ETV4: variants seen among roughly 807,000 people sequenced by gnomAD.
ETV4 encodes ETS variant transcription factor 4, also known as ETS translocation variant 4.
Under a neutral mutation model 65.9 loss-of-function variants are expected in ETV4, and 42 were observed. The ratio of observed to expected loss-of-function variants is 0.64; its 90% CI spans 0.50 to 0.82. The LOEUF (loss-of-function observed/expected upper bound fraction) is 0.82, where lower values mean the gene tolerates loss of function less well. Ranked by LOEUF, ETV4 falls within the 40% of genes least tolerant of loss-of-function variation. The pLI is 0.00. For missense variants in ETV4, 583 were observed against 630.3 expected (o/e 0.92, Z 0.80); for synonymous variants, 238 against 260.0 (o/e 0.92, Z 0.81).
In ETV4 at chr17:43,541,926, C is replaced by G. The variant is rs73304601; in HGVS notation, c.202+3049G>C. Among the ~76,000 whole-genome samples, 1,361 of 152,296 alleles carry G rather than the reference C, an allele frequency of 8.9e-3. 16 individuals carry two copies. The highest frequency in any genetic ancestry group is 0.031 in the African/African-American group (1,302 of 41,548). On this transcript the variant is annotated intron_variant, in intron 4 of 12. Coordinates refer to ENST00000319349, the MANE Select transcript of ETV4 (RefSeq NM_001079675.5). ...AACCTCATCCCTCCCCACAGACATG[C>G]CGAGGCACCAGTGTACATGCACTCG... is the stretch of plus-strand genomic sequence containing the variant.
chr17:43,540,113 C>A (rs1308807208), intron 4 of ETV4, among the ~76,000 whole-genome samples: 1 of 152,128 alleles, frequency 6.6e-6, no homozygotes, highest in African/African-American at 2.4e-5. Flanking sequence ...AAAAAGACAA[C>A]CATTCCCAAA....
In ETV4 at chr17:43,532,795, A is replaced by G. The variant is rs1971016962; in HGVS notation, c.690T>C (p.His230=). The G allele has an allele frequency of 1.2e-6, 2 of 1,613,900 alleles. No homozygotes were observed. Among genetic ancestry groups the G allele is most frequent in the Non-Finnish European group, 8.5e-7 (1 of 1,179,944 alleles). ...GGCCCGCCTGTTCATACAGGGGATC[A>G]TGGTATTCTTGCTTAAAGCTCTGCT... ...YPQQSFKQEY[H]DPLYEQAGQP... is the part of the protein sequence containing the mutation. The change falls in exon 8 of 13, where the codon CAT becomes CAC. Residue 230 remains histidine, a synonymous_variant. Coordinates refer to ENST00000319349, the MANE Select transcript of ETV4 (RefSeq NM_001079675.5).
intron 8 of ETV4, chr17:43,530,418 A>C: frequency 3.5e-6 from 5 of 1,410,618 alleles, no homozygotes; most frequent in Non-Finnish European, 4.6e-6. Context: ...GGAAGGCAGC[A>C]GCGGGGGCTG....
At chr17:43,545,500 G>C (rs1361468409) in intron 2 of ETV4, 58 bp downstream of exon 2, 1 of 1,340,744 alleles carries the variant, frequency 7.5e-7, no homozygotes, top group Non-Finnish European at 1.0e-6. Context: ...GGGGGCTGTG[G>C]TGAGAGTAGG....
rs34640745 is a variant in ETV4 at position 43,545,194 on chromosome 17, C to CGTGTGTGTGTGTGTGTGT, written c.154+62_154+79dup. On this transcript the variant is annotated intron_variant, in intron 3 of 12. Coordinates refer to ENST00000319349, the MANE Select transcript of ETV4 (RefSeq NM_001079675.5). ...AACAGGCGGGGGTTCCAGAATCGGC[C>CGTGTGTGTGTGTGTGTGT]GTGTGTGTGTGTGTGTGTGTGTGTG... 1.9e-4 allele frequency: 121 copies of CGTGTGTGTGTGTGTGTGT among 636,800 alleles called. 1 individual carries two copies. Among genetic ancestry groups the CGTGTGTGTGTGTGTGTGT allele is most frequent in the African/African-American group, 1.6e-3 (74 of 45,454 alleles). The allele number at this position is 636,800 out of a possible 1,614,324, so 39.4% of individuals were successfully genotyped here.
In ETV4 at chr17:43,529,950, A is replaced by G; in HGVS notation, c.889T>C (p.Tyr297His). The G allele has an allele frequency of 6.2e-7, 1 of 1,614,164 alleles. No individual in the cohort carries two copies. The highest frequency in any genetic ancestry group is 1.3e-5 in the African/African-American group (1 of 75,054). Residue 297 changes from tyrosine to histidine, a missense_variant and splice_region_variant, in exon 10 of 13, where the codon TAT becomes CAT. Tyr to His is a moderately conservative substitution (Grantham distance 83, BLOSUM62 2). Coordinates refer to ENST00000319349, the MANE Select transcript of ETV4 (RefSeq NM_001079675.5). Reference protein sequence around the residue: ...GPSPGDGAMGYGYEKPLRPFP... With the variant: ...GPSPGDGAMGHGYEKPLRPFP... The stretch of plus-strand genomic sequence containing the variant: ...GGTCGCAGAGGTTTCTCATAGCCAT[A>G]GCCTTGTGGAGGAAATTGGGGGTTG...
At chr17:43,529,020 G>T in intron 12 of ETV4, 115 bp downstream of exon 12, 1 of 1,016,220 alleles carries the variant, frequency 9.8e-7, no homozygotes. Context: ...CTCTCTGACT[G>T]ATTCATTATC....
intron 4 of ETV4, among the ~76,000 whole-genome samples, chr17:43,536,740 C>T (rs1019018895): frequency 6.6e-6 from 1 of 152,262 alleles, no homozygotes; most frequent in Non-Finnish European, 1.5e-5. Flanking sequence ...TATGTTGGGC[C>T]TGGGCCGCAT....
At chr17:43,545,392 G>A in intron 2 of ETV4, 25 bp from the exon 3 acceptor site, 1 of 1,549,992 alleles carries the variant, frequency 6.5e-7, no homozygotes, top group South Asian at 1.2e-5. Context: ...GAGAATGCCC[G>A]CGAGTCACCC....
chr17:43,532,632 AC>A, intron 8 of ETV4, 41 bp downstream of exon 8: 1 of 1,560,718 alleles, frequency 6.4e-7, no homozygotes, highest in South Asian at 1.2e-5. Context: ...GCTTAACTGA[AC>A]ACTTGATCAC....
At chr17:43,537,095 GTGGCTCACGCC>G (rs1971280349) in intron 4 of ETV4, among the ~76,000 whole-genome samples, 1 of 152,272 alleles carries the variant, frequency 6.6e-6, no homozygotes, top group Non-Finnish European at 1.5e-5. Context: ...GCCAGGCATG[GTGGCTCACGCC>G]TATAATCCCA....
chr17:43,531,099 G>C (rs903036566), intron 8 of ETV4, among the ~76,000 whole-genome samples: 2 of 152,206 alleles, frequency 1.3e-5, no homozygotes, highest in Non-Finnish European at 2.9e-5. Context: ...TGGATTTGAG[G>C]ACAGGAGCAC....
At chr17:43,546,003 A>T in intron 1 of ETV4, 182 bp downstream of exon 1, 1 of 242,842 alleles carries the variant, frequency 4.1e-6, no homozygotes, top group Admixed American at 5.5e-5. Context: ...GCGGAGGAGC[A>T]GGCGAAGCGC....
chr17:43,542,704 AC>A (rs1971585707), intron 4 of ETV4, among the ~76,000 whole-genome samples: 1 of 152,120 alleles, frequency 6.6e-6, no homozygotes, highest in Non-Finnish European at 1.5e-5. Context: ...AGGACACTGA[AC>A]CTGCAACCAC....
At position 43,533,168 on chromosome 17, in the gene ETV4, G is replaced by C. The variant is rs758816053; in HGVS notation, c.545+19C>G. 32 of 1,612,428 alleles carry C rather than the reference G, an allele frequency of 2.0e-5. No homozygotes were observed. In the South Asian group the frequency reaches 3.4e-4, roughly 17 times the overall value. ...AAAACACCTGGGCCCATGAGCAGTG[G>C]GTTTCCCTGTCTCCTTACCTATGTT... On this transcript the variant is annotated intron_variant, in intron 7 of 12. Transcript: ENST00000319349.
intron 4 of ETV4, among the ~76,000 whole-genome samples, chr17:43,540,868 A>C (rs143707308): frequency 6.6e-6 from 1 of 152,208 alleles, no homozygotes; most frequent in African/African-American, 2.4e-5. Flanking sequence ...GTCCCAAGGG[A>C]AAGGGTGGTG....
At chr17:43,542,394 A>T (rs966972722) in intron 4 of ETV4, among the ~76,000 whole-genome samples, 1 of 152,088 alleles carries the variant, frequency 6.6e-6, no homozygotes, top group African/African-American at 2.4e-5. Flanking sequence ...AATAGACAAC[A>T]AAGTCATTTT....
At chr17:43,545,447 T>C (rs1598224779) in intron 2 of ETV4, 80 bp from the exon 3 acceptor site, 1 of 1,446,340 alleles carries the variant, frequency 6.9e-7, no homozygotes, top group East Asian at 2.6e-5. Flanking sequence ...CTCGGGTGAC[T>C]CAGGGGCGGG....
In ETV4 at chr17:43,533,330, T is replaced by C; in HGVS notation, c.402A>G (p.Arg134=). ...GGGCAGGGGACTTGATGGCGATTTGTCTGGGGGGGTCATAGGCACTGGAGT... is the reference window on the plus strand; with the variant it reads ...GGGCAGGGGACTTGATGGCGATTTGCCTGGGGGGGTCATAGGCACTGGAGT... ...CLYSSAYDPP[R]QIAIKSPAPG... The change falls in exon 7 of 13, where the codon AGA becomes AGG. Residue 134 remains arginine (R), a synonymous_variant. Coordinates refer to ENST00000319349, the MANE Select transcript of ETV4 (RefSeq NM_001079675.5). The C allele has an allele frequency of 6.2e-7, 1 of 1,613,300 alleles. No homozygotes were observed.
Sources: allele counts gnomAD v4.1 joint callset (sites outside exome capture counted in the v4.1 genomes callset), GRCh38; gene constraint gnomAD v4.1.1; transcripts MANE v1.5; gene names NCBI Gene and HGNC (gene_info 2026-07-23, HGNC 2026-07-21).